Variants in KIF20B observed in about 807,000 individuals in gnomAD.
KIF20B encodes kinesin family member 20B.
KIF20B carries 188 observed loss-of-function variants against 232.5 expected under a neutral mutation model. That is an observed-to-expected ratio of 0.81 (90% confidence interval 0.72 to 0.91). The LOEUF (loss-of-function observed/expected upper bound fraction) is 0.91. Among genes scored for constraint, KIF20B ranks in the 40% least tolerant of loss-of-function variants. The pLI is 0.00. For synonymous variants in KIF20B, 712 were observed against 683.0 expected, an observed-to-expected ratio of 1.04 and a Z score of -0.66; for missense variants, 2,154 against 2,055.9, an observed-to-expected ratio of 1.05 and a Z score of -0.92.
At chr10:89,706,741 A>G (rs529397548) in intron 2 of KIF20B, among the ~76,000 whole-genome samples, 13 of 151,248 alleles carry the variant, frequency 8.6e-5, no homozygotes, top group Admixed American at 6.6e-4. Context: ...ATGTGGATCT[A>G]TTTCTGGATT....
chr10:89,741,237 GAATCT>G (rs1399961264), intron 21 of KIF20B, among the ~76,000 whole-genome samples: 3 of 152,150 alleles, frequency 2.0e-5, no homozygotes, highest in African/African-American at 7.2e-5. Flanking sequence ...ACTCCTATGA[GAATCT>G]AATGCCTCTG....
intron 31 of KIF20B, among the ~76,000 whole-genome samples, chr10:89,769,503 CCTA>C (rs1564677411): frequency 1.3e-5 from 2 of 151,856 alleles, no homozygotes; most frequent in Non-Finnish European, 2.9e-5. Flanking sequence ...TATATATCCT[CCTA>C]GTGTTTTTTT....
chr10:89,743,756 G>A (rs1841853887), intron 21 of KIF20B, 52 bp from the exon 22 acceptor site: 5 of 1,197,920 alleles, frequency 4.2e-6, no homozygotes, highest in Non-Finnish European at 5.8e-6. Flanking sequence ...ATAACAAAAA[G>A]CAGTTAGTAT....
intron 13 of KIF20B, among the ~76,000 whole-genome samples, chr10:89,720,572 G>GC (rs1352011336): frequency 2.0e-5 from 3 of 152,126 alleles, no homozygotes; most frequent in African/African-American, 7.2e-5. Flanking sequence ...AAGTACAAGT[G>GC]TTAAAAATAT....
chr10:89,724,774 G>A (rs572264024), intron 14 of KIF20B, among the ~76,000 whole-genome samples: 33 of 151,820 alleles, frequency 2.2e-4, no homozygotes, highest in African/African-American at 5.8e-4. Context: ...ACACCACCAC[G>A]CCCAGCTAAT....
Position 89,718,877 on chromosome 10 carries a change from ATATT to A in KIF20B, c.1434+11_1434+14del, listed in dbSNP as rs775608873. ...TTCTCCGCCATTGCACAAAAAGTAA[ATATT>A]TATTTTATTAAGCCTCTTATTATTA... On this transcript the variant is annotated splice_donor_region_variant and intron_variant, in intron 12 of 32. Coordinates refer to ENST00000371728, the MANE Select transcript of KIF20B (RefSeq NM_001284259.2). The A allele has an allele frequency of 9.3e-5, 140 of 1,508,656 alleles. No homozygotes were observed. Among genetic ancestry groups the A allele is most frequent in the Middle Eastern group, 3.7e-4 (2 of 5,452 alleles). 93.5% of individuals were successfully genotyped at this position (1,508,656 alleles called of 1,614,324 possible). A position where few individuals can be genotyped will look rare whatever the true frequency, so the allele number is the denominator to read the frequency against.
chr10:89,753,907 C>T (rs972736099), intron 25 of KIF20B, among the ~76,000 whole-genome samples: 29 of 152,106 alleles, frequency 1.9e-4, no homozygotes, highest in African/African-American at 6.5e-4. Flanking sequence ...CGTGAGCCAC[C>T]GCACCCAGCC....
chr10:89,726,193 A>G (rs10881639), intron 15 of KIF20B, 100 bp from the exon 16 acceptor site: 339,300 of 1,318,534 alleles, frequency 0.26, 46,838 homozygotes, highest in African/African-American at 0.48. Flanking sequence ...TCAAGTGATG[A>G]ATTTTTTGCT....
At chr10:89,712,006 A>G (rs1258231730) in intron 6 of KIF20B, among the ~76,000 whole-genome samples, 1 of 152,040 alleles carries the variant, frequency 6.6e-6, no homozygotes, top group Non-Finnish European at 1.5e-5. Context: ...AAAATGGCTC[A>G]CTTGAGCCTA....
intron 29 of KIF20B, 79 bp downstream of exon 29, chr10:89,762,914 A>AT (rs1842276554): frequency 2.0e-6 from 2 of 1,015,822 alleles, no homozygotes; most frequent in African/African-American, 3.2e-5. Flanking sequence ...AAACTGCTAT[A>AT]TTGCCCTCCT....
intron 5 of KIF20B, 81 bp from the exon 6 acceptor site, chr10:89,710,880 T>C (rs1041907225): frequency 1.8e-6 from 2 of 1,094,410 alleles, no homozygotes; most frequent in African/African-American, 3.2e-5. Context: ...ATTGGTAGTA[T>C]AAAAGGAGCT....
intron 26 of KIF20B, among the ~76,000 whole-genome samples, chr10:89,756,619 C>G (rs948948151): frequency 6.6e-6 from 1 of 152,138 alleles, no homozygotes; most frequent in Non-Finnish European, 1.5e-5. Flanking sequence ...AGCCAGTACC[C>G]ACTTAACTAA....
intron 19 of KIF20B, among the ~76,000 whole-genome samples, chr10:89,734,697 A>G (rs1206631606): frequency 6.6e-6 from 1 of 152,164 alleles, no homozygotes; most frequent in Non-Finnish European, 1.5e-5. Context: ...TGTGCATCCC[A>G]TGGGCTATCA....
At chr10:89,738,670 C>T in intron 20 of KIF20B, 53 bp downstream of exon 20, 1 of 1,487,416 alleles carries the variant, frequency 6.7e-7, no homozygotes, top group Non-Finnish European at 8.9e-7. Context: ...ATTCATTTTG[C>T]TATGCAGCTT....
At chr10:89,705,719 TGGC>T (rs1037325245) in intron 2 of KIF20B, among the ~76,000 whole-genome samples, 2 of 152,210 alleles carry the variant, frequency 1.3e-5, no homozygotes, top group African/African-American at 4.8e-5. Context: ...GGCACTATAA[TGGC>T]AGAGTTGAGT....
At chr10:89,746,190 A>G (rs1841906048) in intron 23 of KIF20B, among the ~76,000 whole-genome samples, 1 of 152,158 alleles carries the variant, frequency 6.6e-6, no homozygotes, top group Non-Finnish European at 1.5e-5. Context: ...GTGTTTTTTC[A>G]GCCTAGCCGT....
chr10:89,774,204 C>T lies in KIF20B; in HGVS notation c.*156C>T. 2.5e-6 allele frequency: 1 copy of T among 402,174 alleles called. No homozygotes were observed. Among genetic ancestry groups the T allele is most frequent in the East Asian group, 3.8e-5 (1 of 26,076 alleles). 24.9% of individuals were successfully genotyped at this position (402,174 alleles called of 1,614,324 possible). A position where few individuals can be genotyped will look rare whatever the true frequency, so the allele number is the denominator to read the frequency against. On this transcript the variant is annotated 3_prime_UTR_variant, in exon 33 of 33. Coordinates refer to ENST00000371728, the MANE Select transcript of KIF20B (RefSeq NM_001284259.2). ...TATAATTTTAATTCAATAAATGAGT[C>T]AAAATTTGTATATTTTTATAAGGCT...
chr10:89,744,021 GT>G, intron 22 of KIF20B, 94 bp downstream of exon 22: 2 of 959,526 alleles, frequency 2.1e-6, no homozygotes, highest in Non-Finnish European at 3.0e-6. Context: ...ATAACATCCT[GT>G]TTTGACTTTT....
At chr10:89,721,042 A>T (rs1843045293) in intron 13 of KIF20B, among the ~76,000 whole-genome samples, 1 of 152,178 alleles carries the variant, frequency 6.6e-6, no homozygotes, top group South Asian at 2.1e-4. Context: ...TAACTCCGTG[A>T]GTATAGATGG....
Sources: gnomAD v4.1 joint callset for allele counts (sites outside exome capture counted in the v4.1 genomes callset) on GRCh38, gnomAD v4.1.1 for gene constraint, MANE v1.5 for transcripts, NCBI Gene and HGNC (gene_info 2026-07-23, HGNC 2026-07-21) for gene names.